Variants in GALNTL6 observed in about 807,000 individuals in gnomAD.
The protein encoded by GALNTL6 is polypeptide N-acetylgalactosaminyltransferase like 6.
GALNTL6 carries 46 observed loss-of-function variants against 73.7 expected under a neutral mutation model. That is an observed-to-expected ratio of 0.62 (90% CI 0.49 to 0.80). The LOEUF is 0.80. Ranked by LOEUF, GALNTL6 falls within the 30% of genes least tolerant of loss-of-function variation. GALNTL6 has a pLI of 0.00. For missense variants in GALNTL6, 604 were observed against 755.0 expected (o/e 0.80, Z 2.34); for synonymous variants, 259 against 263.7 (o/e 0.98, Z 0.17).
intron 2 of GALNTL6, among the ~76,000 whole-genome samples, chr4:172,218,449 A>G (rs1156810486): frequency 6.6e-6 from 1 of 152,082 alleles, no homozygotes; most frequent in Admixed American, 6.6e-5. Context: ...CTATTGCTCC[A>G]GGAGTTTCTG....
chr4:172,033,216 G>A (rs1025320277), intron 2 of GALNTL6, among the ~76,000 whole-genome samples: 1 of 151,920 alleles, frequency 6.6e-6, no homozygotes, highest in Non-Finnish European at 1.5e-5. Context: ...TGATTTTTGA[G>A]AGAAAACTAT....
rs202013498 is a variant in GALNTL6, at chr4:172,597,921, CT to C, written c.554-211427del. On this transcript the variant is annotated intron_variant, in intron 5 of 12. Transcript: ENST00000506823. ...TTTGAATGCTTCTGCCTTTTCATTTCTTTTTTTTTTTTTAAGGTAAGATATT... is the reference window on the plus strand; with the variant it reads ...TTTGAATGCTTCTGCCTTTTCATTTCTTTTTTTTTTTTAAGGTAAGATATT... Among the ~76,000 whole-genome samples, 835 of 141,024 alleles carry C rather than the reference CT, an allele frequency of 5.9e-3. 1 individual carries two copies. Among genetic ancestry groups the C allele is most frequent in the African/African-American group, 4.9e-3 (188 of 38,632 alleles). 92.5% of individuals were successfully genotyped at this position (141,024 alleles called of 152,430 possible).
intron 5 of GALNTL6, among the ~76,000 whole-genome samples, chr4:172,544,800 G>A (rs1346554044): frequency 6.6e-6 from 1 of 152,178 alleles, no homozygotes; most frequent in Non-Finnish European, 1.5e-5. Flanking sequence ...CTGTGGAATT[G>A]TATGTGTGAA....
intron 5 of GALNTL6, among the ~76,000 whole-genome samples, chr4:172,663,666 C>T (rs1408032329): frequency 6.6e-6 from 1 of 152,198 alleles, no homozygotes; most frequent in Non-Finnish European, 1.5e-5. Flanking sequence ...TAGTGGCTCA[C>T]GCCTATAATC....
At chr4:172,026,794 G>A (rs138864191) in intron 2 of GALNTL6, among the ~76,000 whole-genome samples, 2,198 of 152,202 alleles carry the variant, frequency 0.014, 41 homozygotes, top group African/African-American at 0.05. Flanking sequence ...TATGCAGAAG[G>A]CACAGTTACT....
intron 2 of GALNTL6, among the ~76,000 whole-genome samples, chr4:172,084,653 A>T (rs1027206888): frequency 2.6e-5 from 4 of 152,098 alleles, no homozygotes; most frequent in South Asian, 2.1e-4. Context: ...GTTTAGCCCA[A>T]GATGTGTCTA....
intron 4 of GALNTL6, among the ~76,000 whole-genome samples, chr4:172,346,259 C>G (rs977808945): frequency 1.3e-5 from 2 of 152,234 alleles, no homozygotes; most frequent in African/African-American, 4.8e-5. Context: ...TATATGAAAG[C>G]TACGTTCCAA....
At chr4:172,013,569 T>C (rs1296021413) in intron 2 of GALNTL6, among the ~76,000 whole-genome samples, 1 of 152,066 alleles carries the variant, frequency 6.6e-6, no homozygotes, top group Middle Eastern at 3.2e-3. Context: ...TTCTTTTTAA[T>C]TTTTTGTGGG....
chr4:172,397,222 A>G (rs1379710456), intron 5 of GALNTL6, among the ~76,000 whole-genome samples: 1 of 152,198 alleles, frequency 6.6e-6, no homozygotes, highest in African/African-American at 2.4e-5. Context: ...ATATGACTCT[A>G]TTTGGGGTAT....
intron 5 of GALNTL6, among the ~76,000 whole-genome samples, chr4:172,553,537 A>G (rs1316605754): frequency 6.6e-6 from 1 of 152,150 alleles, no homozygotes; most frequent in East Asian, 1.9e-4. Context: ...GAGGAGTTAA[A>G]TTTTGCCTTA....
intron 5 of GALNTL6, among the ~76,000 whole-genome samples, chr4:172,606,663 C>G (rs866228373): frequency 2.1e-3 from 82 of 38,480 alleles, no homozygotes; most frequent in Admixed American, 3.3e-3. Flanking sequence ...TATATATATA[C>G]TATATATATA....
chr4:171,884,482 A>C (rs546400005), intron 2 of GALNTL6, among the ~76,000 whole-genome samples: 29 of 152,158 alleles, frequency 1.9e-4, no homozygotes, highest in African/African-American at 7.0e-4. Flanking sequence ...AAAGCTTTGC[A>C]GTACATAAAT....
At chr4:172,306,057 G>A (rs940091363) in intron 3 of GALNTL6, among the ~76,000 whole-genome samples, 1 of 152,032 alleles carries the variant, frequency 6.6e-6, no homozygotes, top group Admixed American at 6.6e-5. Context: ...GCTTTGGGTG[G>A]ATGTATACAT....
intron 2 of GALNTL6, among the ~76,000 whole-genome samples, chr4:172,202,214 T>A (rs2110904303): frequency 6.6e-6 from 1 of 152,336 alleles, no homozygotes; most frequent in Admixed American, 6.5e-5. Flanking sequence ...TCTTTGTAAT[T>A]GCATGGACTT....
chr4:172,997,430 A>G (rs1751846802), intron 10 of GALNTL6, among the ~76,000 whole-genome samples: 1 of 152,170 alleles, frequency 6.6e-6, no homozygotes. Flanking sequence ...GAGGAAGTGA[A>G]ATGATGCCCG....
At chr4:172,675,138 G>GT (rs145012472) in intron 5 of GALNTL6, among the ~76,000 whole-genome samples, 25,784 of 149,654 alleles carry the variant, frequency 0.17, 2,948 homozygotes, top group Middle Eastern at 0.33. Flanking sequence ...CTGATCTTTA[G>GT]TTTTTTTTTT....
intron 2 of GALNTL6, among the ~76,000 whole-genome samples, chr4:172,032,947 C>T (rs147081944): frequency 1.3e-5 from 2 of 152,052 alleles, no homozygotes; most frequent in East Asian, 3.9e-4. Context: ...TAGACATATA[C>T]TGTATTCTTA....
intron 2 of GALNTL6, among the ~76,000 whole-genome samples, chr4:172,105,018 T>C (rs1639000963): frequency 6.6e-6 from 1 of 151,886 alleles, no homozygotes. Context: ...CAAAAAGTCA[T>C]AAATAGTCAC....
intron 3 of GALNTL6, among the ~76,000 whole-genome samples, chr4:172,300,065 A>G (rs1263537000): frequency 2.0e-5 from 3 of 152,090 alleles, no homozygotes; most frequent in Admixed American, 6.6e-5. Context: ...TATTGGGTGC[A>G]TATATATATT....
Sources: gnomAD v4.1 joint callset for allele counts (sites outside exome capture counted in the v4.1 genomes callset) on GRCh38, gnomAD v4.1.1 for gene constraint, MANE v1.5 for transcripts, NCBI Gene and HGNC (gene_info 2026-07-23, HGNC 2026-07-21) for gene names.